Variants in SPAG5 observed in about 807,000 individuals in gnomAD.
The protein encoded by SPAG5 is sperm-associated antigen 5.
In SPAG5, 99 loss-of-function variants were observed where a neutral mutation model predicts 145.4. The observed-to-expected ratio is 0.68, with a 90% CI of 0.58 to 0.80. The LOEUF is 0.80. SPAG5 is among the 30% of genes least tolerant of loss of function. The pLI, the probability that SPAG5 is intolerant of heterozygous loss-of-function variation, is 0.00. For synonymous variants in SPAG5, 477 were observed against 525.4 expected, an observed-to-expected ratio of 0.91 and a Z score of 1.26; for missense variants, 1,192 against 1,416.0, an observed-to-expected ratio of 0.84 and a Z score of 2.54.
chr17:28,584,176 C>T lies in SPAG5; in HGVS notation c.2386G>A (p.Val796Met), dbSNP rs2070567528. Residue 796 changes from valine (V) to methionine (M), a missense_variant, in exon 13 of 24, where the codon GTG becomes ATG. Around this residue, in one of 5 missense-constraint regions of SPAG5, gnomAD observed 709 missense variants for 840.7 expected, o/e 0.84. Coordinates refer to ENST00000321765, the MANE Select transcript of SPAG5 (RefSeq NM_006461.4). ...QQQQAVLAKEVRDLKETLEFA... is the reference protein window; with the variant it reads ...QQQQAVLAKEMRDLKETLEFA... ...TCCAAGGTCTCTTTCAGGTCCCGCA[C>T]CTCTTTGGCCAGGACAGCTTGTTGC... The T allele has an allele frequency of 3.7e-6, 6 of 1,613,980 alleles. No individual in the cohort carries two copies. Among genetic ancestry groups the T allele is most frequent in the African/African-American group, 1.3e-5 (1 of 74,940 alleles).
In SPAG5 at chr17:28,598,982, C is replaced by G; in HGVS notation, c.-36G>C. The G allele has an allele frequency of 2.5e-6, 4 of 1,606,422 alleles. No homozygotes were observed. Among genetic ancestry groups the G allele is most frequent in the African/African-American group, 1.3e-5 (1 of 74,904 alleles). On this transcript the variant is annotated 5_prime_UTR_variant, in exon 1 of 24. Coordinates refer to ENST00000321765, the MANE Select transcript of SPAG5 (RefSeq NM_006461.4). ...AAGGCAGGCCTATCACGTCTCAGAC[C>G]AAGTCGAGGACGCCATGTTCACCCG...
rs375813400 is a variant in SPAG5, at chr17:28,585,310, A to G, written c.1953+9T>C. On this transcript the variant is annotated intron_variant, in intron 9 of 23. Transcript: ENST00000321765. ...TAAGGAATTAGTTATGATGGTCCCAAATACTCACATCCAGTTGCATGGACC... is the reference window on the plus strand; with the variant it reads ...TAAGGAATTAGTTATGATGGTCCCAGATACTCACATCCAGTTGCATGGACC... 1.9e-6 allele frequency: 3 copies of G among 1,613,420 alleles called. No homozygotes were observed. Among genetic ancestry groups the G allele is most frequent in the Non-Finnish European group, 2.5e-6 (3 of 1,179,290 alleles).
chr17:28,586,013 T>C lies in SPAG5; in HGVS notation c.1606-15A>G, dbSNP rs2070583203. ...GCACGCCGAGACTATATGGTAAGAA[T>C]CAGTTAATGTGTCTGGTTCCTCTTT... On this transcript the variant is annotated splice_polypyrimidine_tract_variant and intron_variant, in intron 6 of 23. Transcript: ENST00000321765. The C allele has an allele frequency of 6.2e-7, 1 of 1,614,070 alleles. No homozygotes were observed. Among genetic ancestry groups the C allele is most frequent in the Non-Finnish European group, 8.5e-7 (1 of 1,180,034 alleles).
intron 15 of SPAG5, among the ~76,000 whole-genome samples, chr17:28,581,905 G>A (rs1436404013): frequency 6.6e-6 from 1 of 152,168 alleles, no homozygotes; most frequent in African/African-American, 2.4e-5. Flanking sequence ...GGTGTCACTA[G>A]CCCTAGTCTC....
At chr17:28,579,024 C>T (rs961643536) in intron 19 of SPAG5, 117 bp downstream of exon 19, 19 of 880,026 alleles carry the variant, frequency 2.2e-5, no homozygotes, top group Non-Finnish European at 3.2e-5. Flanking sequence ...AAGGGCAAAA[C>T]TAGGGCAGTG....
At chr17:28,580,365 C>A in intron 15 of SPAG5, 1 of 259,362 alleles carries the variant, frequency 3.9e-6, no homozygotes, top group East Asian at 6.8e-5. Flanking sequence ...TACCTTAAAT[C>A]CCCTTTTAGC....
At chr17:28,583,778 G>T (rs772833464) in intron 14 of SPAG5, 75 bp downstream of exon 14, 66 of 1,558,702 alleles carry the variant, frequency 4.2e-5, no homozygotes, top group Non-Finnish European at 5.6e-5. Context: ...TCTTCTTGGA[G>T]ATTTTGGCTT....
chr17:28,597,855 C>T (rs561400954), intron 2 of SPAG5, among the ~76,000 whole-genome samples: 8 of 152,292 alleles, frequency 5.3e-5, no homozygotes, highest in African/African-American at 1.9e-4. Flanking sequence ...ATATGGTAAA[C>T]TACATAGTTC....
intron 19 of SPAG5, 90 bp downstream of exon 19, chr17:28,579,051 C>T (rs2070529611): frequency 8.8e-7 from 1 of 1,130,580 alleles, no homozygotes; most frequent in Admixed American, 2.3e-5. Context: ...AAATCCCCAC[C>T]ACCCAGATTC....
rs1285100234 is a variant in SPAG5, at chr17:28,585,888, T to C, written c.1716A>G (p.Glu572=). 5.0e-6 allele frequency: 8 copies of C among 1,614,224 alleles called. No homozygotes were observed. Among genetic ancestry groups the C allele is most frequent in the Middle Eastern group, 1.6e-4 (1 of 6,062 alleles). Reference sequence around the variant, plus strand: ...CCGCATCCTTGCCTCTGAGAGCCATTTCCTCTCTGTGCCTTGCCTCCTCCC... The same window carrying C: ...CCGCATCCTTGCCTCTGAGAGCCATCTCCTCTCTGTGCCTTGCCTCCTCCC... ...AEREEARHRE[E]MALRGKDAAE... is the part of the protein sequence containing the mutation. Residue 572 remains glutamate, a synonymous_variant, in exon 7 of 24, where the codon GAA becomes GAG. Coordinates refer to ENST00000321765, the MANE Select transcript of SPAG5 (RefSeq NM_006461.4).
At position 28,578,477 on chromosome 17, in the gene SPAG5, T is replaced by A; in HGVS notation, c.3250A>T (p.Thr1084Ser). Residue 1084 changes from threonine to serine, a missense_variant, in exon 21 of 24, where the codon ACA becomes TCA. By Grantham distance (58) the Thr-to-Ser change is moderately conservative. Transcript: ENST00000321765. Reference sequence around the variant, plus strand: ...GCCTCCTGGAGCACTTTGGTCTCTGTCTCCGCACGCCGAAGTGAGCGGGTA... The same window carrying A: ...GCCTCCTGGAGCACTTTGGTCTCTGACTCCGCACGCCGAAGTGAGCGGGTA... ...HLTRSLRRAE[T>S]ETKVLQEALA... 6.2e-7 allele frequency: 1 copy of A among 1,613,238 alleles called. No individual in the cohort carries two copies. The highest frequency in any genetic ancestry group is 8.5e-7 in the Non-Finnish European group (1 of 1,180,020).
At chr17:28,587,991 T>C (rs193053437) in intron 4 of SPAG5, among the ~76,000 whole-genome samples, 12 of 152,324 alleles carry the variant, frequency 7.9e-5, no homozygotes, top group Admixed American at 7.2e-4. Context: ...TCAAAGGCAG[T>C]AGAACCCCAG....
At chr17:28,583,344 G>C (rs2070560589) in intron 15 of SPAG5, among the ~76,000 whole-genome samples, 167 bp downstream of exon 15, 1 of 152,170 alleles carries the variant, frequency 6.6e-6, no homozygotes, top group African/African-American at 2.4e-5. Context: ...TTCATAATAG[G>C]GAGATAGGAG....
At chr17:28,579,600 C>T in intron 17 of SPAG5, 115 bp from the exon 18 acceptor site, 1 of 1,424,524 alleles carries the variant, frequency 7.0e-7, no homozygotes, top group Non-Finnish European at 9.7e-7. Flanking sequence ...ATTTGAATGT[C>T]TGGAACATTA....
At chr17:28,579,335 C>T (rs763516504) in intron 18 of SPAG5, 30 bp downstream of exon 18, 3 of 1,613,634 alleles carry the variant, frequency 1.9e-6, no homozygotes, top group Admixed American at 3.3e-5. Flanking sequence ...TCTCACTGTC[C>T]CTCTGTCACC....
chr17:28,578,314 CAG>C (rs1252921345), intron 21 of SPAG5, 22 bp from the exon 22 acceptor site: 1 of 1,614,032 alleles, frequency 6.2e-7, no homozygotes, highest in Non-Finnish European at 8.5e-7. Context: ...TCCAGATCAA[CAG>C]GGGTACAGCC....
In SPAG5 at chr17:28,592,488, A is replaced by G. The variant is rs772760385; in HGVS notation, c.756T>C (p.Thr252=). The G allele has an allele frequency of 6.2e-7, 1 of 1,613,972 alleles. No individual in the cohort carries two copies. The highest frequency in any genetic ancestry group is 1.1e-5 in the South Asian group (1 of 91,086). The change falls in exon 3 of 24, where the codon ACT becomes ACC. Residue 252 remains threonine (T), a synonymous_variant. Coordinates refer to ENST00000321765, the MANE Select transcript of SPAG5 (RefSeq NM_006461.4). The stretch of plus-strand genomic sequence containing the variant: ...TGACACGGAAATCTGCTGCCAAGGC[A>G]GTTGAAGGGGAAAGCCAGAGAACAG... The part of the protein sequence containing the change: ...PSSVLWLSPS[T]ALAADFRVNH...
In SPAG5 at chr17:28,585,193, A is replaced by G; in HGVS notation, c.1976T>C (p.Leu659Pro). The G allele has an allele frequency of 6.2e-7, 1 of 1,614,218 alleles. No individual in the cohort carries two copies. Among genetic ancestry groups the G allele is most frequent in the Non-Finnish European group, 8.5e-7 (1 of 1,180,030 alleles). The change falls in exon 10 of 24, where the codon CTG becomes CCG. Residue 659 changes from leucine to proline, a missense_variant. Transcript: ENST00000321765. ...QLDYTTWTALLSRSRQLTEKL... is the reference protein window; with the variant it reads ...QLDYTTWTALPSRSRQLTEKL... The stretch of plus-strand genomic sequence containing the variant: ...CTCTGTGAGTTGTCGGGACCGACTC[A>G]GCAAAGCTGTCCATGTTGTATACTA...
rs150901596 is a variant in SPAG5, at chr17:28,584,197, G to T, written c.2365C>A (p.Gln789Lys). The T allele has an allele frequency of 7.1e-4, 1,140 of 1,613,976 alleles. 4 individuals carry two copies. In the Middle Eastern group the frequency reaches 0.012, roughly 18 times the overall value. The change falls in exon 13 of 24, where the codon CAA becomes AAA. Residue 789 changes from glutamine to lysine, a missense_variant. By Grantham distance (53) the Gln-to-Lys change is moderately conservative (BLOSUM62 1). Around this residue, in one of 5 missense-constraint regions of SPAG5, gnomAD observed 709 missense variants for 840.7 expected, o/e 0.84. Coordinates refer to ENST00000321765, the MANE Select transcript of SPAG5 (RefSeq NM_006461.4). ...KHMQAELQQQ[Q>K]AVLAKEVRDL... ...CGCACCTCTTTGGCCAGGACAGCTT[G>T]TTGCTGCTGCAGTTCTGCCTGCATG... is the stretch of plus-strand genomic sequence containing the variant.
Sources: gnomAD v4.1 joint callset for allele counts (sites outside exome capture counted in the v4.1 genomes callset) on GRCh38, gnomAD v4.1.1 for gene constraint, gnomAD v4.1.1 regional missense constraint, MANE v1.5 for transcripts, NCBI Gene and HGNC (gene_info 2026-07-23, HGNC 2026-07-21) for gene names.